The following MIAT variants were observed in gnomAD, a reference collection of about 807,000 sequenced individuals.
MIAT encodes the protein myocardial infarction associated transcript.
chr22:26,663,622 G>A (rs1327657759), intron 3 of MIAT: 1 of 379,352 alleles, frequency 2.6e-6, no homozygotes, highest in Non-Finnish European at 4.7e-6. Context: ...CTGAGATGAT[G>A]AGGCCCTGGT....
intron 2 of MIAT, among the ~76,000 whole-genome samples, chr22:26,654,032 G>A (rs569636410): frequency 2.6e-5 from 4 of 152,108 alleles, no homozygotes; most frequent in Non-Finnish European, 5.9e-5. Context: ...GAGCCACCAC[G>A]GTGAGCCTCT....
At chr22:26,675,965 A>G (rs1931246260) in exon 5 of MIAT, 1 of 398,418 alleles carries the variant, frequency 2.5e-6, no homozygotes, top group African/African-American at 2.1e-5. Flanking sequence ...CATCTTGACA[A>G]TATTAGAGGA....
chr22:26,670,037 A>G, downstream of MIAT: 1 of 396,336 alleles, frequency 2.5e-6, no homozygotes, highest in Non-Finnish European at 4.4e-6. Flanking sequence ...ATCTGGGAGT[A>G]TAGACTTAGG....
chr22:26,673,646 CTTTGAACTTGGCTAACACAGG>C (rs61633823), downstream of MIAT: 106,774 of 397,742 alleles, frequency 0.27, 14,713 homozygotes, highest in African/African-American at 0.34. Flanking sequence ...GCTAACACAG[CTTTGAACTTGGCTAACACAGG>C]TTTGAACTTG....
chr22:26,667,563 C>T (rs1463867520), intron 5 of MIAT: 2 of 332,708 alleles, frequency 6.0e-6, no homozygotes, highest in African/African-American at 4.3e-5. Flanking sequence ...TGTCTCTGCC[C>T]ATGATGCTCC....
At chr22:26,669,681 C>T, downstream of MIAT, 1 of 399,086 alleles carries the variant, frequency 2.5e-6, no homozygotes, top group Non-Finnish European at 4.4e-6. Flanking sequence ...AGAGCCTTCT[C>T]CCCTTCAGAA....
chr22:26,675,584 C>T (rs1191913653), exon 5 of MIAT: 1 of 398,594 alleles, frequency 2.5e-6, no homozygotes, highest in Non-Finnish European at 4.4e-6. Flanking sequence ...CATGTCTACC[C>T]CAGTTGGAAG....
downstream of MIAT, chr22:26,673,114 C>A (rs923283135): frequency 2.5e-6 from 1 of 398,616 alleles, no homozygotes; most frequent in East Asian, 3.6e-5. Context: ...ACCCCGGGCT[C>A]GGAGTTTGCA....
chr22:26,658,150 A>AG (rs1555948201), intron 2 of MIAT: 1 of 120,568 alleles, frequency 8.3e-6, no homozygotes, highest in African/African-American at 3.3e-5. Context: ...CCCCGACCCA[A>AG]CCCCCCGAGC....
chr22:26,672,921 C>T (rs1931106883), downstream of MIAT: 3 of 398,530 alleles, frequency 7.5e-6, no homozygotes, highest in Admixed American at 8.8e-5. Flanking sequence ...GACTCTTTCC[C>T]ACACAGGAAG....
At chr22:26,653,638 G>A (rs1178082803) in intron 2 of MIAT, among the ~76,000 whole-genome samples, 1 of 152,158 alleles carries the variant, frequency 6.6e-6, no homozygotes, top group Non-Finnish European at 1.5e-5. Flanking sequence ...TTTTGTGAAA[G>A]ATTTATAAAA....
At chr22:26,659,568 T>A (rs1374242089) in intron 2 of MIAT, among the ~76,000 whole-genome samples, 1 of 152,024 alleles carries the variant, frequency 6.6e-6, no homozygotes, top group Non-Finnish European at 1.5e-5. Flanking sequence ...CTGGGCACGG[T>A]GGCTAACACC....
intron 2 of MIAT, chr22:26,657,283 C>T: frequency 2.6e-6 from 1 of 384,270 alleles, no homozygotes; most frequent in Non-Finnish European, 4.6e-6. Flanking sequence ...CCCCTTTGTG[C>T]GGCGGGGGCT....
At chr22:26,652,671 T>A (rs1349594885) in intron 2 of MIAT, among the ~76,000 whole-genome samples, 1 of 152,144 alleles carries the variant, frequency 6.6e-6, no homozygotes, top group African/African-American at 2.4e-5. Flanking sequence ...TCTCTTTTTT[T>A]AAAGAGGCAC....
intron 2 of MIAT, among the ~76,000 whole-genome samples, chr22:26,659,329 A>G (rs1293573988): frequency 2.0e-5 from 3 of 152,190 alleles, no homozygotes; most frequent in African/African-American, 7.2e-5. Flanking sequence ...TCATGTTGAA[A>G]GCATTTTATG....
At chr22:26,654,121 A>T (rs1930383525) in intron 2 of MIAT, among the ~76,000 whole-genome samples, 1 of 152,210 alleles carries the variant, frequency 6.6e-6, no homozygotes, top group African/African-American at 2.4e-5. Flanking sequence ...TAGAACAATA[A>T]ATAGTCCATT....
rs142570785 is a variant in MIAT at position 26,666,175 on chromosome 22, A to G, written n.1374A>G. ...CTGAGAGAGCTCCCTGACTCTCCTG[A>G]CTCAGGTCTGCCAGTTGATGAAGAC... On this transcript the variant is annotated non_coding_transcript_exon_variant, in exon 4 of 6. Transcript: ENST00000643270. 1.3e-3 allele frequency: 526 copies of G among 398,588 alleles called. 2 individuals are homozygous for G. Among genetic ancestry groups the G allele is most frequent in the African/African-American group, 9.5e-3 (463 of 48,722 alleles). The allele number at this position is 398,588 out of a possible 1,614,324, so 24.7% of individuals were successfully genotyped here.
chr22:26,661,129 C>G (rs774177687), intron 2 of MIAT, among the ~76,000 whole-genome samples: 1 of 152,150 alleles, frequency 6.6e-6, no homozygotes, highest in East Asian at 1.9e-4. Context: ...TTAGCCTGTT[C>G]GAGCAGCGTG....
intron 2 of MIAT, among the ~76,000 whole-genome samples, chr22:26,661,391 G>A (rs943364665): frequency 3.3e-5 from 5 of 152,176 alleles, no homozygotes; most frequent in African/African-American, 1.2e-4. Flanking sequence ...CCCTTGTGGT[G>A]CCAGGTGGGC....
Sources: gnomAD v4.1 joint callset for allele counts (sites outside exome capture counted in the v4.1 genomes callset) on GRCh38, gnomAD v4.1.1 for gene constraint, MANE v1.5 for transcripts, NCBI Gene and HGNC (gene_info 2026-07-23, HGNC 2026-07-21) for gene names.